The following PRKG1 variants were observed in gnomAD, a reference collection of about 807,000 sequenced individuals.
PRKG1 encodes cGMP-dependent protein kinase 1.
PRKG1 carries 35 observed loss-of-function variants against 88.1 expected under a neutral mutation model. The observed-to-expected ratio is 0.40, with a 90% confidence interval of 0.30 to 0.53. The LOEUF (loss-of-function observed/expected upper bound fraction) is 0.53. Among genes scored for constraint, PRKG1 ranks in the 20% least tolerant of loss-of-function variants. PRKG1 has a pLI of 0.59. For missense variants in PRKG1, 540 were observed against 839.8 expected (o/e 0.64, Z 4.41); for synonymous variants, 303 against 292.5 (o/e 1.04, Z -0.37).
At chr10:51,247,252 G>T (rs1272049647) in intron 2 of PRKG1, among the ~76,000 whole-genome samples, 1 of 151,918 alleles carries the variant, frequency 6.6e-6, no homozygotes, top group Non-Finnish European at 1.5e-5. Context: ...CAAGTATACT[G>T]ACAGTTTTTA....
rs149714482 is a variant in PRKG1 at position 51,714,445 on chromosome 10, T to G, written c.593-90140T>G. On this transcript the variant is annotated intron_variant, in intron 3 of 17. Transcript: ENST00000373980. ...ATCAGGTGGGAGACTTAAGGCACAT[T>G]TATGACAACGAAAATAGTAGAATGA... Among the ~76,000 whole-genome samples the G allele has an allele frequency of 1.7e-3, 259 of 152,238 alleles. 1 individual carries two copies. The highest frequency in any genetic ancestry group is 5.6e-3 in the African/African-American group (231 of 41,542).
intron 7 of PRKG1, among the ~76,000 whole-genome samples, chr10:52,096,775 T>G (rs1847182887): frequency 6.6e-6 from 1 of 152,162 alleles, no homozygotes; most frequent in African/African-American, 2.4e-5. Flanking sequence ...ATTGAGTCAT[T>G]TTACTATAGT....
rs879533291 is a variant in PRKG1 at position 51,108,380 on chromosome 10, T to TA, written c.311+33490dup. Among the ~76,000 whole-genome samples, 712 of 145,570 alleles carry TA rather than the reference T, an allele frequency of 4.9e-3. 1 individual carries two copies. The highest frequency in any genetic ancestry group is 0.013 in the African/African-American group (518 of 39,724). On this transcript the variant is annotated intron_variant, in intron 1 of 17. Coordinates refer to ENST00000373980, the MANE Select transcript of PRKG1 (RefSeq NM_006258.4). Reference sequence around the variant, plus strand: ...TTTAGCAAATAGAATCTAACAAAATTAAAAAAAAAAAGATAATTCTTCATT... The same window carrying TA: ...TTTAGCAAATAGAATCTAACAAAATTAAAAAAAAAAAAGATAATTCTTCATT...
At position 51,204,136 on chromosome 10, in the gene PRKG1, A is replaced by G. The variant is rs115351510; in HGVS notation, c.478+50806A>G. 4.8e-3 allele frequency among the ~76,000 whole-genome samples: 738 copies of G among 152,292 alleles called. 2 individuals are homozygous for G. Among genetic ancestry groups the G allele is most frequent in the African/African-American group, 0.017 (688 of 41,566 alleles). On this transcript the variant is annotated intron_variant, in intron 2 of 17. Transcript: ENST00000373980. ...GAGTGAAATTCATTTCCCCCTCTTT[A>G]TAAAGGATTGTATTATTTCTGATGG...
rs1220516500 is a variant in PRKG1, at chr10:51,344,380, C to T, written c.479-123343C>T. On this transcript the variant is annotated intron_variant, in intron 2 of 17. Coordinates refer to ENST00000373980, the MANE Select transcript of PRKG1 (RefSeq NM_006258.4). ...GAGAATTCCACCTCAATGATCCAAA[C>T]ATTTCCCACAAGGCCCCACCACCAA... Among the ~76,000 whole-genome samples, 4 of 152,142 alleles carry T rather than the reference C, an allele frequency of 2.6e-5. No individual in the cohort carries two copies. The South Asian group carries it at 6.2e-4, about 24-fold the overall frequency.
At chr10:51,282,605 T>C (rs1411456328) in intron 2 of PRKG1, among the ~76,000 whole-genome samples, 3 of 152,216 alleles carry the variant, frequency 2.0e-5, no homozygotes. Flanking sequence ...GGAGACCTTT[T>C]AAATAATACA....
At chr10:51,074,403 C>G, upstream of PRKG1, 1 of 1,424,796 alleles carries the variant, frequency 7.0e-7, no homozygotes, top group Non-Finnish European at 9.3e-7. Context: ...GGAATCTGCA[C>G]TGAAACTCTG....
chr10:52,205,240 G>C (rs1343462047), intron 9 of PRKG1, among the ~76,000 whole-genome samples: 1 of 152,008 alleles, frequency 6.6e-6, no homozygotes, highest in Non-Finnish European at 1.5e-5. Context: ...GTGATCTTTT[G>C]TCTCCCTTGA....
chr10:51,950,549 G>A (rs1327582026), intron 5 of PRKG1, among the ~76,000 whole-genome samples: 4 of 152,244 alleles, frequency 2.6e-5, no homozygotes, highest in African/African-American at 4.8e-5. Context: ...GAGCCAGGGC[G>A]GGATCTGGCT....
intron 9 of PRKG1, among the ~76,000 whole-genome samples, chr10:52,180,703 G>A (rs1244491772): frequency 6.6e-6 from 1 of 152,178 alleles, no homozygotes; most frequent in African/African-American, 2.4e-5. Context: ...TGTGTTGTTG[G>A]TGGTGTAACT....
intron 1 of PRKG1, among the ~76,000 whole-genome samples, chr10:51,125,794 A>G (rs1021786010): frequency 2.1e-5 from 3 of 144,248 alleles, no homozygotes; most frequent in South Asian, 2.1e-4. Context: ...ATAAATATAT[A>G]AATTATATAA....
chr10:51,362,046 A>G (rs1481205382), intron 2 of PRKG1, among the ~76,000 whole-genome samples: 2 of 151,954 alleles, frequency 1.3e-5, no homozygotes, highest in Middle Eastern at 6.3e-3. Flanking sequence ...AAAATTAAGT[A>G]TAAGGGTTAC....
intron 3 of PRKG1, among the ~76,000 whole-genome samples, chr10:51,563,820 G>A (rs951432932): frequency 4.6e-5 from 7 of 152,076 alleles, no homozygotes; most frequent in African/African-American, 1.7e-4. Flanking sequence ...AATGTAAATG[G>A]GAGAGACCCA....
At chr10:51,587,723 G>A (rs1336917707) in intron 3 of PRKG1, among the ~76,000 whole-genome samples, 1 of 152,120 alleles carries the variant, frequency 6.6e-6, no homozygotes, top group Admixed American at 6.6e-5. Flanking sequence ...TTTGAAGTAA[G>A]TTGGCTTTGC....
chr10:51,668,156 C>G (rs1231430827), intron 3 of PRKG1, among the ~76,000 whole-genome samples: 1 of 152,134 alleles, frequency 6.6e-6, no homozygotes, highest in African/African-American at 2.4e-5. Context: ...CAAGAAATTT[C>G]AACTCAGAGT....
At chr10:51,235,897 A>C (rs1361858382) in intron 2 of PRKG1, among the ~76,000 whole-genome samples, 2 of 152,154 alleles carry the variant, frequency 1.3e-5, no homozygotes, top group Non-Finnish European at 2.9e-5. Context: ...TGGAGGGGAG[A>C]GAAATTTGCA....
In PRKG1 at chr10:51,704,238, C is replaced by CAGAT. The variant is rs1396806175; in HGVS notation, c.593-100344_593-100343insTAGA. Among the ~76,000 whole-genome samples, 312 of 144,228 alleles carry CAGAT rather than the reference C, an allele frequency of 2.2e-3. 2 individuals carry two copies. Among genetic ancestry groups the CAGAT allele is most frequent in the African/African-American group, 7.9e-3 (280 of 35,478 alleles). The allele number at this position is 144,228 out of a possible 152,430, so 94.6% of individuals were successfully genotyped here. ...TAGTAGCTGATAGATGATAGATAGA[C>CAGAT]AGACAGACAGACAGATAGATAGATA... On this transcript the variant is annotated intron_variant, in intron 3 of 17. Transcript: ENST00000373980.
intron 2 of PRKG1, among the ~76,000 whole-genome samples, chr10:51,461,414 G>T (rs1168986185): frequency 1.1e-4 from 16 of 151,854 alleles, no homozygotes; most frequent in Admixed American, 9.8e-4. Flanking sequence ...ATACAAAAAG[G>T]TTTAGAAAAA....
chr10:51,503,996 G>T (rs1385397923), intron 3 of PRKG1, among the ~76,000 whole-genome samples: 1 of 152,050 alleles, frequency 6.6e-6, no homozygotes, highest in Non-Finnish European at 1.5e-5. Context: ...ATTACCAAAA[G>T]AACAAAAGTA....
Sources: gnomAD v4.1 joint callset for allele counts (sites outside exome capture counted in the v4.1 genomes callset) on GRCh38, gnomAD v4.1.1 for gene constraint, MANE v1.5 for transcripts, NCBI Gene and HGNC (gene_info 2026-07-23, HGNC 2026-07-21) for gene names.